Variants in SV2C observed in about 807,000 individuals in gnomAD.
The protein encoded by SV2C is solute carrier family 22 member B3.
SV2C carries 49 observed loss-of-function variants against 79.7 expected under a neutral mutation model. The observed-to-expected ratio is 0.61, with a 90% CI of 0.49 to 0.78. SV2C has a LOEUF of 0.78. Ranked by LOEUF, SV2C falls within the 30% of genes least tolerant of loss-of-function variation. The pLI, the probability that SV2C is intolerant of heterozygous loss-of-function variation, is 0.00. For missense variants in SV2C, 833 were observed against 912.9 expected (o/e 0.91, Z 1.13); for synonymous variants, 334 against 333.2 (o/e 1.00, Z -0.03).
At chr5:76,254,991 G>T (rs1252069772) in intron 4 of SV2C, among the ~76,000 whole-genome samples, 1 of 152,016 alleles carries the variant, frequency 6.6e-6, no homozygotes, top group Non-Finnish European at 1.5e-5. Flanking sequence ...CCCCCAAATG[G>T]ATTTTACTTT....
chr5:76,051,874 G>T, the SV2C span, among the ~76,000 whole-genome samples: 1 of 151,852 alleles, frequency 6.6e-6, no homozygotes, highest in East Asian at 1.9e-4. Flanking sequence ...AAAAAATGAG[G>T]GTAATAATTG....
intron 1 of SV2C, among the ~76,000 whole-genome samples, chr5:76,123,074 T>C (rs538476243): frequency 6.6e-6 from 1 of 152,098 alleles, no homozygotes; most frequent in Non-Finnish European, 1.5e-5. Flanking sequence ...AAATACAAAC[T>C]ACCATCAGAG....
chr5:76,349,961 T>C (rs1182841130), intron 12 of SV2C, among the ~76,000 whole-genome samples: 4 of 152,200 alleles, frequency 2.6e-5, no homozygotes, highest in Non-Finnish European at 1.5e-5. Context: ...TTTTTCTGTG[T>C]CCACACAACA....
chr5:76,108,979 A>T (rs183518456), intron 1 of SV2C, among the ~76,000 whole-genome samples: 1 of 152,284 alleles, frequency 6.6e-6, no homozygotes, highest in Admixed American at 6.5e-5. Context: ...CCAACGAGAG[A>T]TGTGAGTGAC....
At chr5:76,174,616 C>A (rs1743465467) in intron 2 of SV2C, among the ~76,000 whole-genome samples, 1 of 152,190 alleles carries the variant, frequency 6.6e-6, no homozygotes, top group Non-Finnish European at 1.5e-5. Context: ...GTGAATACGT[C>A]AAATTTTTTA....
chr5:76,163,903 A>G (rs574090112), intron 2 of SV2C, among the ~76,000 whole-genome samples: 76 of 152,300 alleles, frequency 5.0e-4, no homozygotes, highest in African/African-American at 1.8e-3. Context: ...AAATGCAAAG[A>G]TAAATGTCTC....
the SV2C span, among the ~76,000 whole-genome samples, chr5:75,886,508 T>A: frequency 6.6e-6 from 1 of 152,172 alleles, no homozygotes; most frequent in Non-Finnish European, 1.5e-5. Flanking sequence ...TTCACTGAAC[T>A]AGTTTTTCTC....
intron 1 of SV2C, among the ~76,000 whole-genome samples, chr5:76,120,142 G>A (rs1417830049): frequency 1.3e-5 from 2 of 152,032 alleles, no homozygotes; most frequent in African/African-American, 2.4e-5. Context: ...CAATTATAAT[G>A]TGTCAAAAAA....
At chr5:75,911,438 C>T in the SV2C span, 1 of 981,524 alleles carries the variant, frequency 1.0e-6, no homozygotes, top group Non-Finnish European at 1.5e-6. Context: ...CCACCCAGAG[C>T]CACTCCAAAC....
chr5:76,246,503 G>T (rs376810673), intron 4 of SV2C, among the ~76,000 whole-genome samples: 1 of 152,118 alleles, frequency 6.6e-6, no homozygotes, highest in Non-Finnish European at 1.5e-5. Flanking sequence ...TTCAGTAGCT[G>T]TGGACCATTA....
chr5:76,318,972 T>C (rs572639718), intron 12 of SV2C, among the ~76,000 whole-genome samples: 1 of 152,322 alleles, frequency 6.6e-6, no homozygotes, highest in African/African-American at 2.4e-5. Flanking sequence ...GTACTTTGGG[T>C]GTCTGCAGAA....
At chr5:76,030,782 GA>G in the SV2C span, among the ~76,000 whole-genome samples, 1 of 151,006 alleles carries the variant, frequency 6.6e-6, no homozygotes, top group Non-Finnish European at 1.5e-5. Flanking sequence ...GAAAGAAAAA[GA>G]AAAAAAAGAA....
chr5:75,903,096 A>G, the SV2C span, among the ~76,000 whole-genome samples: 4 of 152,232 alleles, frequency 2.6e-5, no homozygotes, highest in African/African-American at 9.6e-5. Context: ...TAGTTATTCA[A>G]AAGTGAACAG....
At chr5:75,953,068 A>G in the SV2C span, among the ~76,000 whole-genome samples, 9 of 152,106 alleles carry the variant, frequency 5.9e-5, no homozygotes, top group East Asian at 1.8e-3. Flanking sequence ...TGCTGACTGG[A>G]AGACTTAGCA....
intron 12 of SV2C, among the ~76,000 whole-genome samples, chr5:76,307,380 T>G (rs1401077771): frequency 6.6e-6 from 1 of 152,182 alleles, no homozygotes; most frequent in African/African-American, 2.4e-5. Flanking sequence ...TCAAAGTCCC[T>G]TTCTGTAAAG....
the SV2C span, among the ~76,000 whole-genome samples, chr5:75,964,064 TG>T: frequency 6.6e-6 from 1 of 152,128 alleles, no homozygotes; most frequent in African/African-American, 2.4e-5. Context: ...ACAAGGGGCT[TG>T]GATTGTTTAA....
intron 4 of SV2C, among the ~76,000 whole-genome samples, chr5:76,217,934 C>A (rs1391290444): frequency 3.3e-5 from 5 of 152,134 alleles, no homozygotes; most frequent in African/African-American, 1.2e-4. Flanking sequence ...GCTATCGTTC[C>A]CAGATAGAAA....
At chr5:76,165,540 T>C (rs180955037) in intron 2 of SV2C, among the ~76,000 whole-genome samples, 11 of 152,320 alleles carry the variant, frequency 7.2e-5, no homozygotes, top group African/African-American at 2.4e-4. Flanking sequence ...AATTAATCTG[T>C]TCTCTATCTC....
chr5:76,152,293 T>A (rs1040744281), intron 2 of SV2C, among the ~76,000 whole-genome samples: 1 of 152,236 alleles, frequency 6.6e-6, no homozygotes, highest in Admixed American at 6.5e-5. Context: ...CAAGGTACTT[T>A]GATATATTTT....
Sources: gnomAD v4.1 joint callset for allele counts (sites outside exome capture counted in the v4.1 genomes callset) on GRCh38, gnomAD v4.1.1 for gene constraint, MANE v1.5 for transcripts, NCBI Gene and HGNC (gene_info 2026-07-23, HGNC 2026-07-21) for gene names.